The following PFKP variants were observed in gnomAD, a reference collection of about 807,000 sequenced individuals.
The protein encoded by PFKP is phosphofructokinase, platelet, also known as ATP-dependent 6-phosphofructokinase, platelet type.
A neutral mutation model predicts 94.3 loss-of-function variants in PFKP; 101 were observed. That is an observed-to-expected ratio of 1.07 (90% CI 0.91 to 1.26). The LOEUF (loss-of-function observed/expected upper bound fraction) is 1.26, where lower values mean the gene tolerates loss of function less well. PFKP is among the 50% of genes most tolerant of loss of function. PFKP has a pLI of 0.00. For missense variants in PFKP, 1,145 were observed against 1,103.3 expected (o/e 1.04, Z -0.53); for synonymous variants, 573 against 432.6 (o/e 1.32, Z -4.03).
rs781196642 is a variant in PFKP, at chr10:3,112,244, T to C, written c.1112T>C (p.Met371Thr). The C allele has an allele frequency of 3.7e-6, 6 of 1,613,886 alleles. No individual in the cohort carries two copies. The South Asian group carries it at 5.5e-5, about 15-fold the overall frequency. Residue 371 changes from methionine (M) to threonine (T), a missense_variant, in exon 11 of 22, where the codon ATG becomes ACG. Physicochemically the swap from Met to Thr is moderately conservative, Grantham distance 81. Around this residue, in one of 3 missense-constraint regions of PFKP, gnomAD observed 1,119 missense variants for 1,062.8 expected, o/e 1.05. Coordinates refer to ENST00000381125, the MANE Select transcript of PFKP (RefSeq NM_002627.5). ...VQMTQDVQKA[M>T]DERRFQDAVR... ...AAGACTCAGGATGTGCAGAAGGCGA[T>C]GGACGAGAGGAGATTTCAAGATGCG...
At chr10:3,133,163 C>G in intron 18 of PFKP, 40 bp from the exon 19 acceptor site, 3 of 1,492,472 alleles carry the variant, frequency 2.0e-6, no homozygotes, top group Non-Finnish European at 2.8e-6. Flanking sequence ...CACGTGCCCA[C>G]TGCACGCTAA....
chr10:3,105,351 G>T (rs369951069), intron 6 of PFKP, 42 bp from the exon 7 acceptor site: 1 of 1,533,524 alleles, frequency 6.5e-7, no homozygotes, highest in Non-Finnish European at 9.0e-7. Context: ...CTCGTGGGAA[G>T]GATCCTTCTG....
At chr10:3,104,694 T>G in intron 5 of PFKP, 1 of 245,416 alleles carries the variant, frequency 4.1e-6, no homozygotes, top group Non-Finnish European at 7.9e-6. Flanking sequence ...TCTCTGGGCA[T>G]TAAGCACTTA....
At chr10:3,130,187 CCTT>C (rs1483246498) in intron 17 of PFKP, among the ~76,000 whole-genome samples, 3 of 151,894 alleles carry the variant, frequency 2.0e-5, no homozygotes, top group Non-Finnish European at 2.9e-5. Context: ...GTTGAGGACA[CCTT>C]CTAGTCTCAT....
Position 3,113,426 on chromosome 10 carries a change from G to A in PFKP, c.1279G>A (p.Ala427Thr), listed in dbSNP as rs1588505768. 3.7e-6 allele frequency: 6 copies of A among 1,605,670 alleles called. No homozygotes were observed. The highest frequency in any genetic ancestry group is 5.1e-6 in the Non-Finnish European group (6 of 1,175,116). ...GGGGGCACCCGCGGCTGGGATGAAC[G>A]CAGCCGTACGCTCAGCTGTGCGCGT... ...NVGAPAAGMN[A>T]AVRSAVRVGI... is the part of the protein sequence containing the mutation. Residue 427 changes from alanine (A) to threonine (T), a missense_variant, in exon 13 of 22, where the codon GCA (alanine) becomes ACA (threonine). Ala to Thr is a moderately conservative substitution (Grantham distance 58, BLOSUM62 0). Around this residue, in one of 3 missense-constraint regions of PFKP, gnomAD observed 1,119 missense variants for 1,062.8 expected, o/e 1.05. Coordinates refer to ENST00000381125, the MANE Select transcript of PFKP (RefSeq NM_002627.5).
Position 3,132,385 on chromosome 10 carries a change from C to T in PFKP, c.1854C>T (p.Asn618=), listed in dbSNP as rs776198992. The change falls in exon 18 of 22, where the codon AAC becomes AAT. Residue 618 remains asparagine (N), a synonymous_variant. Coordinates refer to ENST00000381125, the MANE Select transcript of PFKP (RefSeq NM_002627.5). ...EPFDIRDLQS[N]VEHLTEKMKT... ...AACAAAATACTCTCTTCCAGTCCAACGTGGAGCACCTGACGGAGAAAATGA... is the reference window on the plus strand; with the variant it reads ...AACAAAATACTCTCTTCCAGTCCAATGTGGAGCACCTGACGGAGAAAATGA... The T allele has an allele frequency of 1.5e-5, 24 of 1,608,896 alleles. No homozygotes were observed. Among genetic ancestry groups the T allele is most frequent in the Middle Eastern group, 1.6e-4 (1 of 6,074 alleles).
At chr10:3,107,407 AC>A in intron 8 of PFKP, 98 bp downstream of exon 8, 1 of 711,552 alleles carries the variant, frequency 1.4e-6, no homozygotes, top group Non-Finnish European at 2.4e-6. Flanking sequence ...TGAATTATTA[AC>A]TTTTTATCCT....
At chr10:3,123,919 C>CG (rs1171131751) in intron 16 of PFKP, among the ~76,000 whole-genome samples, 2 of 152,142 alleles carry the variant, frequency 1.3e-5, no homozygotes, top group African/African-American at 4.8e-5. Flanking sequence ...CCATGGGGTG[C>CG]GGGGGACCCT....
At chr10:3,076,840 C>G (rs1393062005) in intron 1 of PFKP, among the ~76,000 whole-genome samples, 1 of 151,998 alleles carries the variant, frequency 6.6e-6, no homozygotes, top group Non-Finnish European at 1.5e-5. Flanking sequence ...CTGCACAGTC[C>G]AGGAGGTCAG....
chr10:3,136,233 C>G (rs1389512711), intron 21 of PFKP, among the ~76,000 whole-genome samples: 1 of 152,076 alleles, frequency 6.6e-6, no homozygotes, highest in African/African-American at 2.4e-5. Flanking sequence ...CCACTGTACT[C>G]AAGCCTGGCG....
At chr10:3,082,538 C>T (rs910813989) in intron 2 of PFKP, 77 bp downstream of exon 2, 62 of 984,962 alleles carry the variant, frequency 6.3e-5, no homozygotes, top group Non-Finnish European at 8.6e-5. Context: ...GCTCGCTCAC[C>T]CCTGCCTCCC....
At chr10:3,095,426 GTTC>G (rs1564289797) in intron 2 of PFKP, among the ~76,000 whole-genome samples, 1 of 152,202 alleles carries the variant, frequency 6.6e-6, no homozygotes, top group African/African-American at 2.4e-5. Context: ...CCTGTGGCAT[GTTC>G]TTAGATGTGA....
intron 1 of PFKP, among the ~76,000 whole-genome samples, chr10:3,074,774 CT>C (rs1224636191): frequency 2.6e-5 from 4 of 152,196 alleles, no homozygotes; most frequent in Non-Finnish European, 4.4e-5. Flanking sequence ...CAGCAAAAAA[CT>C]ATCAATAGGA....
intron 10 of PFKP, among the ~76,000 whole-genome samples, chr10:3,111,165 T>C (rs1479219242): frequency 1.3e-5 from 2 of 152,174 alleles, no homozygotes; most frequent in African/African-American, 2.4e-5. Context: ...TGTGTTTATA[T>C]GGATGTGTGT....
intron 15 of PFKP, 53 bp from the exon 16 acceptor site, chr10:3,119,839 C>T (rs984888879): frequency 8.8e-6 from 14 of 1,584,220 alleles, no homozygotes; most frequent in Middle Eastern, 3.6e-4. Context: ...CCAGCGAGAC[C>T]CTCTCCTCCC....
intron 1 of PFKP, among the ~76,000 whole-genome samples, chr10:3,076,858 C>T (rs1256284802): frequency 1.3e-5 from 2 of 152,110 alleles, no homozygotes; most frequent in Admixed American, 6.6e-5. Context: ...CAGAGAGGCC[C>T]CCCAGTTCGA....
chr10:3,086,242 T>G (rs1206383124), intron 2 of PFKP, among the ~76,000 whole-genome samples: 1 of 152,194 alleles, frequency 6.6e-6, no homozygotes, highest in Non-Finnish European at 1.5e-5. Flanking sequence ...CGCTGTTGTG[T>G]GTTGAGTGGA....
chr10:3,076,227 G>C (rs1347405683), intron 1 of PFKP, among the ~76,000 whole-genome samples: 2 of 152,136 alleles, frequency 1.3e-5, no homozygotes, highest in East Asian at 3.9e-4. Flanking sequence ...GCTCCTCTGA[G>C]GGACAGTGTG....
intron 4 of PFKP, among the ~76,000 whole-genome samples, chr10:3,102,009 T>C (rs1044930100): frequency 2.0e-5 from 3 of 150,602 alleles, no homozygotes; most frequent in African/African-American, 7.3e-5. Flanking sequence ...CCCAGCACTT[T>C]GGGAGGCCGA....
Sources: allele counts gnomAD v4.1 joint callset (sites outside exome capture counted in the v4.1 genomes callset), GRCh38; gene constraint gnomAD v4.1.1; regional missense constraint gnomAD v4.1.1; transcripts MANE v1.5; gene names NCBI Gene and HGNC (gene_info 2026-07-23, HGNC 2026-07-21).